LAMA1: variants seen among roughly 807,000 people sequenced by gnomAD.
LAMA1 encodes the protein laminin subunit alpha 1, also known as laminin subunit alpha-1.
In LAMA1, 219 loss-of-function variants were observed where a neutral mutation model predicts 348.7. The ratio of observed to expected loss-of-function variants is 0.63; its 90% CI spans 0.56 to 0.70. The LOEUF (loss-of-function observed/expected upper bound fraction) is 0.70. Among genes scored for constraint, LAMA1 ranks in the 30% least tolerant of loss-of-function variants. The pLI, the probability that LAMA1 is intolerant of heterozygous loss-of-function variation, is 0.00. For missense variants in LAMA1, 3,744 were observed against 3,888.0 expected, an observed-to-expected ratio of 0.96 and a Z score of 0.99; for synonymous variants, 1,487 against 1,491.0, an observed-to-expected ratio of 1.00 and a Z score of 0.06.
chr18:7,028,238 T>C (rs902832124), intron 16 of LAMA1, among the ~76,000 whole-genome samples: 1 of 152,216 alleles, frequency 6.6e-6, no homozygotes, highest in African/African-American at 2.4e-5. Flanking sequence ...CGTGGGAAGC[T>C]GAAAAGCTAT....
chr18:7,055,842 G>A (rs943934115), intron 3 of LAMA1, among the ~76,000 whole-genome samples: 2 of 152,094 alleles, frequency 1.3e-5, no homozygotes, highest in African/African-American at 4.8e-5. Context: ...AGCATTTTGG[G>A]AGGCCGAGGC....
chr18:7,008,543 G>A lies in LAMA1; in HGVS notation c.4067C>T (p.Ala1356Val). The A allele has an allele frequency of 6.2e-7, 1 of 1,613,908 alleles. No homozygotes were observed. Among genetic ancestry groups the A allele is most frequent in the Non-Finnish European group, 8.5e-7 (1 of 1,179,794 alleles). ...AEKLHPEEEV[A>V]SLLENCVCPP... ...ACAGACACAATTCTCTAAAAGAGATGCAACCTCTTCTTCTGGGTGCAGCTT... is the reference window on the plus strand; with the variant it reads ...ACAGACACAATTCTCTAAAAGAGATACAACCTCTTCTTCTGGGTGCAGCTT... Residue 1356 changes from alanine (A) to valine (V), a missense_variant, in exon 28 of 63, where the codon GCA becomes GTA. Coordinates refer to ENST00000389658, the MANE Select transcript of LAMA1 (RefSeq NM_005559.4).
chr18:7,117,574 G>T, intron 1 of LAMA1, 86 bp downstream of exon 1: 3 of 1,410,832 alleles, frequency 2.1e-6, no homozygotes, highest in Non-Finnish European at 2.9e-6. Flanking sequence ...GACTCCAGCA[G>T]CCCCAACGCG....
At chr18:7,112,408 T>C (rs2058339220) in intron 1 of LAMA1, among the ~76,000 whole-genome samples, 1 of 152,096 alleles carries the variant, frequency 6.6e-6, no homozygotes, top group African/African-American at 2.4e-5. Flanking sequence ...CTTACACTAA[T>C]AGGGAAGAAG....
At position 6,979,823 on chromosome 18, in the gene LAMA1, C is replaced by CG. The variant is rs1555647369; in HGVS notation, c.6007+697dup. Among the ~76,000 whole-genome samples the CG allele has an allele frequency of 4.3e-4, 66 of 152,082 alleles. No homozygotes were observed. In the East Asian group the frequency reaches 0.01, roughly 24 times the overall value. ...CTGAGGCAGGAGAATGGTGTGAACC[C>CG]GGGGGGCGGAGCTTGCAGTGAGCCA... is the stretch of plus-strand genomic sequence containing the variant. On this transcript the variant is annotated intron_variant, in intron 42 of 62. Coordinates refer to ENST00000389658, the MANE Select transcript of LAMA1 (RefSeq NM_005559.4).
Position 6,943,377 on chromosome 18 carries a change from G to T in LAMA1, c.8870C>A (p.Ala2957Asp). 1.2e-6 allele frequency: 2 copies of T among 1,614,134 alleles called. No homozygotes were observed. The highest frequency in any genetic ancestry group is 1.7e-6 in the Non-Finnish European group (2 of 1,180,028). Reference protein sequence around the residue: ...GKVLFHVNNGAGRITAAYEPK... With the variant: ...GKVLFHVNNGDGRITAAYEPK... Reference sequence around the variant, plus strand: ...CTCATATGCAGCTGTTATCCTGCCAGCACCATTGTTGACATGGAACAAGAC... The same window carrying T: ...CTCATATGCAGCTGTTATCCTGCCATCACCATTGTTGACATGGAACAAGAC... The change falls in exon 62 of 63, where the codon GCT (alanine) becomes GAT (aspartate). Residue 2957 changes from alanine (A) to aspartate (D), a missense_variant. This residue lies in a region of LAMA1 where 232 missense variants were observed against 264.4 expected (regional missense o/e 0.88). Transcript: ENST00000389658.
In LAMA1 at chr18:6,999,791, T is replaced by C. The variant is rs1015505239; in HGVS notation, c.4469+120A>G. On this transcript the variant is annotated intron_variant, in intron 31 of 62. Coordinates refer to ENST00000389658, the MANE Select transcript of LAMA1 (RefSeq NM_005559.4). Reference sequence around the variant, plus strand: ...GAACAGTAATGAGGTCTTATTTCAATCAAGCACATCCAAACTGATAATTGA... The same window carrying C: ...GAACAGTAATGAGGTCTTATTTCAACCAAGCACATCCAAACTGATAATTGA... The C allele has an allele frequency of 1.4e-5, 16 of 1,183,876 alleles. No individual in the cohort carries two copies. In the African/African-American group the frequency reaches 1.8e-4, roughly 13 times the overall value. 73.3% of individuals were successfully genotyped at this position (1,183,876 alleles called of 1,614,324 possible).
In LAMA1 at chr18:7,033,114, T is replaced by C. The variant is rs1405084136; in HGVS notation, c.2052-19A>G. ...CTCCAACCTACAAATAGACAGATTGTTATGTGACTCACACGCTCGCAAATA... is the reference window on the plus strand; with the variant it reads ...CTCCAACCTACAAATAGACAGATTGCTATGTGACTCACACGCTCGCAAATA... On this transcript the variant is annotated intron_variant, in intron 14 of 62. Coordinates refer to ENST00000389658, the MANE Select transcript of LAMA1 (RefSeq NM_005559.4). The C allele has an allele frequency of 1.3e-6, 2 of 1,534,746 alleles. No individual in the cohort carries two copies. Among genetic ancestry groups the C allele is most frequent in the Admixed American group, 1.7e-5 (1 of 58,636 alleles).
At chr18:7,038,738 C>T in intron 11 of LAMA1, 72 bp downstream of exon 11, 1 of 1,597,238 alleles carries the variant, frequency 6.3e-7, no homozygotes, top group Non-Finnish European at 8.5e-7. Context: ...ATTTCCTCCT[C>T]ACACAGCTCG....
At position 7,080,668 on chromosome 18, in the gene LAMA1, T is replaced by C. The variant is rs374737230; in HGVS notation, c.62-211A>G. Reference sequence around the variant, plus strand: ...TCATCTACGGAGAAAAGTCAAACCATTGTTGCAGGGGGTGGGGATTGACTA... The same window carrying C: ...TCATCTACGGAGAAAAGTCAAACCACTGTTGCAGGGGGTGGGGATTGACTA... On this transcript the variant is annotated intron_variant, in intron 1 of 62. Transcript: ENST00000389658. Among the ~76,000 whole-genome samples the C allele has an allele frequency of 5.9e-5, 9 of 152,250 alleles. No individual in the cohort carries two copies. The South Asian group carries it at 1.9e-3, about 32-fold the overall frequency.
chr18:7,027,771 C>T (rs500420), intron 16 of LAMA1, among the ~76,000 whole-genome samples: 22,702 of 151,998 alleles, frequency 0.15, 4,440 homozygotes, highest in African/African-American at 0.45. Context: ...GGAGAAACCC[C>T]ATCTCTACTA....
intron 45 of LAMA1, 78 bp from the exon 46 acceptor site, chr18:6,975,114 A>G (rs2057676009): frequency 6.7e-7 from 1 of 1,486,048 alleles, no homozygotes; most frequent in East Asian, 2.4e-5. Flanking sequence ...TACAGAGTCA[A>G]TTCTTACGGG....
intron 34 of LAMA1, 97 bp from the exon 35 acceptor site, chr18:6,993,849 T>C (rs993002617): frequency 2.6e-6 from 2 of 772,182 alleles, no homozygotes; most frequent in Non-Finnish European, 4.7e-6. Flanking sequence ...TTGCCGCTTA[T>C]AAGCAACAAC....
rs574674337 is a variant in LAMA1, at chr18:6,994,017, T to C, written c.4897-265A>G. Among the ~76,000 whole-genome samples the C allele has an allele frequency of 7.9e-5, 12 of 152,342 alleles. No homozygotes were observed. In the South Asian group the frequency reaches 2.5e-3, roughly 32 times the overall value. ...TTTTAAAAGCAGGCTAATTGTGTAT[T>C]AAACTACAGATTCTCCTAGTGGCTA... On this transcript the variant is annotated intron_variant, in intron 34 of 62. Transcript: ENST00000389658.
At position 7,009,260 on chromosome 18, in the gene LAMA1, C is replaced by A; in HGVS notation, c.3980G>T (p.Gly1327Val). The stretch of plus-strand genomic sequence containing the variant: ...GTACCTGCTCTGCTGTAATCCTTGA[C>A]CATACGATGCCTTGATGAGGATGTA... Reference protein sequence around the residue: ...IEYILIKASYGQGLQQSRISD... With the variant: ...IEYILIKASYVQGLQQSRISD... The change falls in exon 27 of 63, where the codon GGT (glycine) becomes GTT (valine). Residue 1327 changes from glycine to valine, a missense_variant. By Grantham distance (109) the Gly-to-Val change is moderately radical. This residue lies in a region of LAMA1 where 1,983 missense variants were observed against 1,934.3 expected (regional missense o/e 1.03). Coordinates refer to ENST00000389658, the MANE Select transcript of LAMA1 (RefSeq NM_005559.4). 1 of 1,614,032 alleles carries A rather than the reference C, an allele frequency of 6.2e-7. No individual in the cohort carries two copies. The highest frequency in any genetic ancestry group is 8.5e-7 in the Non-Finnish European group (1 of 1,179,978).
chr18:6,952,589 T>G (rs2057551893), intron 57 of LAMA1, among the ~76,000 whole-genome samples: 1 of 152,242 alleles, frequency 6.6e-6, no homozygotes. Context: ...AGGTTTCAGT[T>G]ACCTGCAGTC....
chr18:6,963,868 C>T (rs1377462152), intron 51 of LAMA1: 1 of 152,196 alleles, frequency 6.6e-6, no homozygotes, highest in Non-Finnish European at 1.5e-5. Context: ...CAAAGCTCAA[C>T]ATGAATCAGT....
At chr18:6,959,707 A>T in intron 53 of LAMA1, 1 of 563,830 alleles carries the variant, frequency 1.8e-6, no homozygotes, top group Admixed American at 2.7e-5. Context: ...TTATTGCTGA[A>T]GATTTCAAAC....
intron 19 of LAMA1, among the ~76,000 whole-genome samples, chr18:7,022,183 C>T (rs2057920924): frequency 6.6e-6 from 1 of 152,106 alleles, no homozygotes; most frequent in Non-Finnish European, 1.5e-5. Flanking sequence ...TTCCCAACTA[C>T]CTGTCGCAGT....
Sources: allele counts gnomAD v4.1 joint callset (sites outside exome capture counted in the v4.1 genomes callset), GRCh38; gene constraint gnomAD v4.1.1; regional missense constraint gnomAD v4.1.1; transcripts MANE v1.5; gene names NCBI Gene and HGNC (gene_info 2026-07-23, HGNC 2026-07-21).